Variants in RPGR observed in about 807,000 individuals in gnomAD.
RPGR encodes X-linked retinitis pigmentosa GTPase regulator.
In RPGR, 10 loss-of-function variants were observed where a neutral mutation model predicts 56.3. The observed-to-expected ratio is 0.18, with a 90% CI of 0.11 to 0.30. The LOEUF is 0.30. Among genes scored for constraint, RPGR ranks in the 10% least tolerant of loss-of-function variants. RPGR has a pLI of 1.00. For missense variants in RPGR, 538 were observed against 590.9 expected, an observed-to-expected ratio of 0.91 and a Z score of 0.93; for synonymous variants, 197 against 212.9, an observed-to-expected ratio of 0.93 and a Z score of 0.65.
Position 38,327,431 on chromosome X carries a change from G to A in RPGR, c.-64C>T, listed in dbSNP as rs766903516. 4.4e-5 allele frequency: 47 copies of A among 1,060,582 alleles called. No homozygotes were observed. In the African/African-American group the frequency reaches 7.1e-4, roughly 16 times the overall value. 87.4% of individuals were successfully genotyped at this position (1,060,582 alleles called of 1,213,427 possible). A position where few individuals can be genotyped will look rare whatever the true frequency, so the allele number is the denominator to read the frequency against. On this transcript the variant is annotated 5_prime_UTR_variant, in exon 1 of 19. Coordinates refer to ENST00000642395, the MANE Select transcript of RPGR (RefSeq NM_000328.3). The stretch of plus-strand genomic sequence containing the variant: ...GGCTGTAGAGGACGGTTTGGTCGGG[G>A]CTAAAGCAGCTACTCCGCACCGACG...
In RPGR at chrX:38,327,322, G is replaced by C. The variant is rs1401336377; in HGVS notation, c.28+18C>G. On this transcript the variant is annotated intron_variant, in intron 1 of 18. Transcript: ENST00000642395. Reference sequence around the variant, plus strand: ...CCCTCCCTCCCGGCCTTCCGCCACCGGCGCGGGCGCAACTCACCGGGCATC... The same window carrying C: ...CCCTCCCTCCCGGCCTTCCGCCACCCGCGCGGGCGCAACTCACCGGGCATC... The C allele has an allele frequency of 8.5e-6, 10 of 1,180,641 alleles. No homozygotes were observed. The highest frequency in any genetic ancestry group is 1.1e-5 in the Non-Finnish European group (10 of 883,229).
intron 2 of RPGR, among the ~76,000 whole-genome samples, 173 bp from the exon 3 acceptor site, chrX:38,323,118 T>C (rs1439930542): frequency 8.9e-6 from 1 of 112,272 alleles, no homozygotes; most frequent in Non-Finnish European, 1.9e-5. Flanking sequence ...GGAAAAGAGT[T>C]TCTAAAATTA....
At chrX:38,317,257 T>C in intron 6 of RPGR, 59 bp downstream of exon 6, 1 of 1,050,232 alleles carries the variant, frequency 9.5e-7, no homozygotes, top group Non-Finnish European at 1.3e-6. Flanking sequence ...CATTTCATTA[T>C]TAATTTAATA....
At chrX:38,279,911 T>TA (rs201926357) in intron 15 of RPGR, among the ~76,000 whole-genome samples, 6,742 of 107,279 alleles carry the variant, frequency 0.063, 290 homozygotes, top group South Asian at 0.13. Flanking sequence ...CAAGTATATA[T>TA]TTTTTTTTTG....
Position 38,290,959 on chromosome X carries a change from CT to C in RPGR, c.1571del (p.Lys524ArgfsTer9). 3 of 1,014,426 alleles carry C rather than the reference CT, an allele frequency of 3.0e-6. No individual in the cohort carries two copies. The highest frequency in any genetic ancestry group is 2.7e-6 in the Non-Finnish European group (2 of 736,201). 83.6% of individuals were successfully genotyped at this position (1,014,426 alleles called of 1,213,427 possible). ...ACGAAAATAAATCTTCATATTATAC[CT>C]TTTGTTTCTGAACTGGTGATAATTT... is the stretch of plus-strand genomic sequence containing the variant. On this transcript the variant is annotated frameshift_variant and splice_region_variant, in exon 13 of 19. Transcript: ENST00000642395. LOFTEE classifies it high-confidence loss of function.
At chrX:38,301,398 T>A in intron 8 of RPGR, 27 bp from the exon 9 acceptor site, 2 of 1,102,032 alleles carry the variant, frequency 1.8e-6, no homozygotes, top group Non-Finnish European at 2.5e-6. Flanking sequence ...ATGAAGAGAA[T>A]TATAAAAGTG....
rs764342399 is a variant in RPGR, at chrX:38,310,766, A to G, written c.627T>C (p.Gly209=). ...CAGGTTCTCCAAACACATATAGCTC[A>G]CCATCTGCTATTGAAGGAAAAGTAT... is the stretch of plus-strand genomic sequence containing the variant. The change falls in exon 7 of 19, where the codon GGT becomes GGC. Residue 209 remains glycine (G), a synonymous_variant. Coordinates refer to ENST00000642395, the MANE Select transcript of RPGR (RefSeq NM_000328.3). 8.3e-7 allele frequency: 1 copy of G among 1,209,611 alleles called. No homozygotes were observed. The highest frequency in any genetic ancestry group is 1.1e-6 in the Non-Finnish European group (1 of 893,861).
At chrX:38,305,138 G>A (rs940717824) in intron 7 of RPGR, among the ~76,000 whole-genome samples, 17 of 111,590 alleles carry the variant, frequency 1.5e-4, no homozygotes, top group African/African-American at 5.2e-4. Flanking sequence ...ACTGTTGGCC[G>A]GTCGCAACGG....
At chrX:38,284,612 T>C (rs1182227074) in intron 15 of RPGR, 1 of 741,389 alleles carries the variant, frequency 1.3e-6, no homozygotes, top group Non-Finnish European at 1.6e-6. Flanking sequence ...GTCATAACTT[T>C]TCAAGAGTAA....
chrX:38,310,228 T>A (rs759455584), intron 7 of RPGR, among the ~76,000 whole-genome samples: 1 of 111,017 alleles, frequency 9.0e-6, no homozygotes, highest in East Asian at 2.9e-4. Flanking sequence ...GGATTACAGG[T>A]GTCAGCCATT....
intron 17 of RPGR, chrX:38,273,625 T>C: frequency 9.9e-6 from 4 of 406,005 alleles, no homozygotes; most frequent in Non-Finnish European, 1.7e-5. Context: ...CTACACTGCA[T>C]ATTTCCTGAA....
chrX:38,275,545 A>G (rs1259245919), intron 16 of RPGR, among the ~76,000 whole-genome samples: 4 of 112,359 alleles, frequency 3.6e-5, no homozygotes, highest in Non-Finnish European at 5.6e-5. Flanking sequence ...CTCCTTCTGA[A>G]ATAAAACAGT....
At chrX:38,291,262 T>C in intron 12 of RPGR, 131 bp downstream of exon 12, 2 of 444,336 alleles carry the variant, frequency 4.5e-6, no homozygotes, top group Non-Finnish European at 7.6e-6. Context: ...ATATAGTTGG[T>C]TAAAAAATAA....
In RPGR at chrX:38,285,990, TCCTTCTTCCTCC is replaced by T. The variant is rs2067130298; in HGVS notation, c.1905+1092_1905+1103del. On this transcript the variant is annotated intron_variant, in intron 15 of 18. Transcript: ENST00000642395. The stretch of plus-strand genomic sequence containing the variant: ...CTCCCTCCCCTTCTTCCTCTCCCTC[TCCTTCTTCCTCC>T]CCTTCTTCTTCCCCTTCCTCCTCTT... The T allele has an allele frequency of 1.2e-6, 1 of 812,201 alleles. No individual in the cohort carries two copies. The highest frequency in any genetic ancestry group is 1.6e-6 in the Non-Finnish European group (1 of 634,874). 66.9% of individuals were successfully genotyped at this position (812,201 alleles called of 1,213,427 possible).
intron 15 of RPGR, among the ~76,000 whole-genome samples, chrX:38,282,214 C>G (rs1383024205): frequency 9.0e-6 from 1 of 111,452 alleles, no homozygotes; most frequent in African/African-American, 3.3e-5. Flanking sequence ...AATGTGGGTT[C>G]TGCCCCTGGC....
At chrX:38,325,069 C>G (rs952661711) in intron 1 of RPGR, among the ~76,000 whole-genome samples, 22 of 104,596 alleles carry the variant, frequency 2.1e-4, no homozygotes, top group Non-Finnish European at 3.7e-4. Flanking sequence ...ACTCGGGGGG[C>G]TGAGGCAGGA....
Position 38,288,008 on chromosome X carries a change from T to C in RPGR, c.1606A>G (p.Thr536Ala). 1 of 1,210,601 alleles carries C rather than the reference T, an allele frequency of 8.3e-7. No homozygotes were observed. The highest frequency in any genetic ancestry group is 1.8e-5 in the South Asian group (1 of 56,988). The change falls in exon 14 of 19, where the codon ACA becomes GCA. Residue 536 changes from threonine to alanine, a missense_variant. This residue lies in a region of RPGR where 357 missense variants were observed against 325.8 expected (regional missense o/e 1.10). Coordinates refer to ENST00000642395, the MANE Select transcript of RPGR (RefSeq NM_000328.3). ...CTATCATCGTTTTCAGTAAGAGCTG[T>C]ATCCTGCGTCAGTTCCCCAATTGTT... is the stretch of plus-strand genomic sequence containing the variant.
Position 38,322,850 on chromosome X carries a change from A to C in RPGR, c.247+3T>G. On this transcript the variant is annotated splice_donor_region_variant and intron_variant, in intron 3 of 18. Transcript: ENST00000642395. ...TTTGTGAAAAGATAAAAAGATCCCAAACCTTTGACACATGTTGGCTTGCTG... is the reference window on the plus strand; with the variant it reads ...TTTGTGAAAAGATAAAAAGATCCCACACCTTTGACACATGTTGGCTTGCTG... 1 of 1,202,858 alleles carries C rather than the reference A, an allele frequency of 8.3e-7. No homozygotes were observed. Among genetic ancestry groups the C allele is most frequent in the East Asian group, 3.0e-5 (1 of 33,757 alleles).
intron 15 of RPGR, among the ~76,000 whole-genome samples, chrX:38,277,471 TC>T (rs1295584538): frequency 6.3e-5 from 7 of 110,250 alleles, no homozygotes; most frequent in African/African-American, 1.3e-4. Context: ...CACTGAGATT[TC>T]TTTTTTTTTT....
Sources: allele counts gnomAD v4.1 joint callset (sites outside exome capture counted in the v4.1 genomes callset), GRCh38; gene constraint gnomAD v4.1.1; regional missense constraint gnomAD v4.1.1; transcripts MANE v1.5; gene names NCBI Gene and HGNC (gene_info 2026-07-23, HGNC 2026-07-21).